The following MAP4K5 variants were observed in gnomAD, a reference collection of about 807,000 sequenced individuals.
MAP4K5 encodes mitogen-activated protein kinase kinase kinase kinase 5, also known as MAPK/ERK kinase kinase kinase 5.
Under a neutral mutation model 135.6 loss-of-function variants are expected in MAP4K5, and 82 were observed. The observed-to-expected ratio is 0.60, with a 90% CI of 0.51 to 0.73. The LOEUF is 0.73. Among genes scored for constraint, MAP4K5 ranks in the 30% least tolerant of loss-of-function variants. The pLI is 0.00. For missense variants in MAP4K5, 907 were observed against 1,010.9 expected (o/e 0.90, Z 1.39); for synonymous variants, 347 against 335.0 (o/e 1.04, Z -0.39).
chr14:50,502,466 C>T (rs534745721), intron 3 of MAP4K5, among the ~76,000 whole-genome samples: 6 of 152,016 alleles, frequency 3.9e-5, no homozygotes, highest in Non-Finnish European at 8.8e-5. Context: ...GGAAGCCATT[C>T]CCAATAGCGA....
upstream of MAP4K5, among the ~76,000 whole-genome samples, chr14:50,535,333 A>G (rs1001163392): frequency 2.6e-5 from 4 of 152,234 alleles, no homozygotes; most frequent in Non-Finnish European, 5.9e-5. Flanking sequence ...TTATTATCCA[A>G]GACAAAATGG....
chr14:50,433,951 G>A (rs2036031804), intron 28 of MAP4K5, among the ~76,000 whole-genome samples: 1 of 152,130 alleles, frequency 6.6e-6, no homozygotes, highest in Non-Finnish European at 1.5e-5. Flanking sequence ...TGATTTAAAT[G>A]GAAAGGCTCG....
At chr14:50,535,773 G>T (rs2038483469), upstream of MAP4K5, among the ~76,000 whole-genome samples, 1 of 152,162 alleles carries the variant, frequency 6.6e-6, no homozygotes, top group South Asian at 2.1e-4. Context: ...CTTTCATCCA[G>T]TTTGAATTGA....
intron 31 of MAP4K5, among the ~76,000 whole-genome samples, chr14:50,425,486 T>A (rs1234470765): frequency 6.6e-6 from 1 of 152,226 alleles, no homozygotes; most frequent in Non-Finnish European, 1.5e-5. Context: ...TAGTTGGTAC[T>A]CAATAGTTAC....
At chr14:50,528,015 T>C (rs1430862901) in intron 2 of MAP4K5, among the ~76,000 whole-genome samples, 1 of 152,134 alleles carries the variant, frequency 6.6e-6, no homozygotes, top group Non-Finnish European at 1.5e-5. Flanking sequence ...TCAGAGGTAG[T>C]TGAGAATCTA....
At chr14:50,426,673 G>C (rs1038134112) in intron 30 of MAP4K5, among the ~76,000 whole-genome samples, 1 of 152,186 alleles carries the variant, frequency 6.6e-6, no homozygotes, top group Non-Finnish European at 1.5e-5. Context: ...GCAGTGAGCC[G>C]AGATCACGTC....
At chr14:50,423,325 G>T (rs1358435962) in intron 31 of MAP4K5, 149 bp from the exon 32 acceptor site, 13 of 516,176 alleles carry the variant, frequency 2.5e-5, no homozygotes, top group Non-Finnish European at 1.7e-5. Context: ...TAAGTTTTTT[G>T]ATTGCATATT....
At chr14:50,555,104 C>A (rs1447598517) in intron 1 of MAP4K5, among the ~76,000 whole-genome samples, 1 of 152,114 alleles carries the variant, frequency 6.6e-6, no homozygotes, top group African/African-American at 2.4e-5. Context: ...CTGGGTTGTA[C>A]CCTTAGAGAG....
At chr14:50,496,075 A>G (rs963039721) in intron 3 of MAP4K5, among the ~76,000 whole-genome samples, 8 of 152,242 alleles carry the variant, frequency 5.3e-5, no homozygotes, top group Non-Finnish European at 1.0e-4. Context: ...CTGTAATCCC[A>G]GCACTTTTGG....
At chr14:50,554,145 C>A (rs2038737710) in intron 1 of MAP4K5, among the ~76,000 whole-genome samples, 1 of 151,796 alleles carries the variant, frequency 6.6e-6, no homozygotes, top group South Asian at 2.1e-4. Flanking sequence ...CAATACGTAC[C>A]CTTAGAGGCA....
At chr14:50,504,650 T>A (rs1429758991) in intron 3 of MAP4K5, 150 bp downstream of exon 3, 2 of 610,398 alleles carry the variant, frequency 3.3e-6, no homozygotes, top group African/African-American at 3.9e-5. Context: ...CACATCAAAC[T>A]TACCTTTAAC....
chr14:50,544,506 G>A (rs567606513), intron 1 of MAP4K5, among the ~76,000 whole-genome samples: 42 of 152,280 alleles, frequency 2.8e-4, no homozygotes, highest in Non-Finnish European at 4.6e-4. Context: ...GTGCTTCTAG[G>A]AAGGTTTTCC....
At chr14:50,458,207 C>T (rs1028107349) in intron 13 of MAP4K5, among the ~76,000 whole-genome samples, 1 of 152,194 alleles carries the variant, frequency 6.6e-6, no homozygotes, top group African/African-American at 2.4e-5. Context: ...TCACCAGCTA[C>T]ACTGCATTAT....
intron 2 of MAP4K5, among the ~76,000 whole-genome samples, chr14:50,520,616 T>C (rs1039979037): frequency 2.0e-5 from 3 of 152,204 alleles, no homozygotes; most frequent in Non-Finnish European, 4.4e-5. Context: ...TCTATCTGCC[T>C]GAAATCATTC....
chr14:50,499,800 T>C (rs1166070464), intron 3 of MAP4K5, among the ~76,000 whole-genome samples: 1 of 152,232 alleles, frequency 6.6e-6, no homozygotes, highest in African/African-American at 2.4e-5. Context: ...CAGCTCATTG[T>C]GTCTCAGGGA....
chr14:50,495,071 G>C (rs887697994), intron 3 of MAP4K5, among the ~76,000 whole-genome samples: 1 of 152,014 alleles, frequency 6.6e-6, no homozygotes, highest in Non-Finnish European at 1.5e-5. Context: ...AAACAGACGA[G>C]ACTACAAATG....
upstream of MAP4K5, chr14:50,533,280 C>G (rs1025580358): frequency 6.6e-5 from 10 of 152,072 alleles, no homozygotes; most frequent in Non-Finnish European, 1.5e-4. Context: ...CAGACTGGTT[C>G]TGGTTCTACC....
intron 3 of MAP4K5, among the ~76,000 whole-genome samples, chr14:50,501,922 T>C (rs529921717): frequency 6.6e-6 from 1 of 152,148 alleles, no homozygotes; most frequent in Non-Finnish European, 1.5e-5. Flanking sequence ...ATTCCTATCC[T>C]CTAGAACAGA....
At chr14:50,480,056 T>C (rs1407929294) in intron 6 of MAP4K5, among the ~76,000 whole-genome samples, 1 of 152,216 alleles carries the variant, frequency 6.6e-6, no homozygotes. Flanking sequence ...TAAATCTACT[T>C]CTTGTTACCT....
Sources: gnomAD v4.1 joint callset for allele counts (sites outside exome capture counted in the v4.1 genomes callset) on GRCh38, gnomAD v4.1.1 for gene constraint, MANE v1.5 for transcripts, NCBI Gene and HGNC (gene_info 2026-07-23, HGNC 2026-07-21) for gene names.